The following SMARCA2 variants were observed in gnomAD, a reference collection of about 807,000 sequenced individuals.
SMARCA2 encodes the protein SWI/SNF related BAF chromatin remodeling complex subunit ATPase 2.
A neutral mutation model predicts 199.8 loss-of-function variants in SMARCA2; 61 were observed. The ratio of observed to expected loss-of-function variants is 0.31; its 90% CI spans 0.25 to 0.38. The LOEUF is 0.38. Ranked by LOEUF, SMARCA2 falls within the 10% of genes least tolerant of loss-of-function variation. The probability of loss-of-function intolerance (pLI) is 1.00; values close to 1 mark genes in which losing one functional copy is unlikely to be tolerated. For missense variants in SMARCA2, 1,344 were observed against 2,012.2 expected (o/e 0.67, Z 6.35); for synonymous variants, 935 against 732.0 (o/e 1.28, Z -4.48).
At chr9:2,148,787 G>C (rs995814317) in intron 27 of SMARCA2, among the ~76,000 whole-genome samples, 4 of 151,494 alleles carry the variant, frequency 2.6e-5, no homozygotes, top group African/African-American at 9.7e-5. Flanking sequence ...GAGATTACAA[G>C]TGTGAGCCAC....
At position 2,084,609 on chromosome 9, in the gene SMARCA2, G is replaced by A. The variant is rs1011683648; in HGVS notation, c.2526+413G>A. On this transcript the variant is annotated intron_variant, in intron 17 of 33. Coordinates refer to ENST00000349721, the MANE Select transcript of SMARCA2 (RefSeq NM_003070.5). The stretch of plus-strand genomic sequence containing the variant: ...GTACCTTCATTCTTCTTGTGCCTTT[G>A]TTTCTCCAAAGATGAGCCAGACACC... Among the ~76,000 whole-genome samples, 8 of 152,078 alleles carry A rather than the reference G, an allele frequency of 5.3e-5. No individual in the cohort carries two copies. In the South Asian group the frequency reaches 1.2e-3, roughly 24 times the overall value.
intron 9 of SMARCA2, among the ~76,000 whole-genome samples, chr9:2,061,657 C>A (rs998715051): frequency 1.3e-5 from 2 of 152,154 alleles, no homozygotes; most frequent in Admixed American, 1.3e-4. Flanking sequence ...CTTAAGTCAT[C>A]CAGTCGTCTA....
chr9:2,066,835 T>C (rs1446296974), intron 9 of SMARCA2, among the ~76,000 whole-genome samples: 1 of 152,204 alleles, frequency 6.6e-6, no homozygotes, highest in Non-Finnish European at 1.5e-5. Context: ...CCAGGACATT[T>C]CTTTAGGTGC....
rs749435099 is a variant in SMARCA2 at position 2,032,940 on chromosome 9, T to C, written c.226-12T>C. 3 of 1,612,750 alleles carry C rather than the reference T, an allele frequency of 1.9e-6. No homozygotes were observed. Among genetic ancestry groups the C allele is most frequent in the Non-Finnish European group, 2.5e-6 (3 of 1,179,132 alleles). ...ATAGAGGTGTCTAACTAATGTCCTTTAAATGTTTCAGCCCATCGATGGTAT... is the reference window on the plus strand; with the variant it reads ...ATAGAGGTGTCTAACTAATGTCCTTCAAATGTTTCAGCCCATCGATGGTAT... On this transcript the variant is annotated splice_polypyrimidine_tract_variant and intron_variant, in intron 2 of 33. Coordinates refer to ENST00000349721, the MANE Select transcript of SMARCA2 (RefSeq NM_003070.5).
In SMARCA2 at chr9:2,088,876, TAGA is replaced by T. The variant is rs1211704970; in HGVS notation, c.2883+264_2883+266del. On this transcript the variant is annotated intron_variant, in intron 19 of 33. Coordinates refer to ENST00000349721, the MANE Select transcript of SMARCA2 (RefSeq NM_003070.5). Reference sequence around the variant, plus strand: ...CTGAGTCTCATTTACATTTTAATTTTAGATTTTTTTTTTTTTTTAAATTACGGA... The same window carrying T: ...CTGAGTCTCATTTACATTTTAATTTTTTTTTTTTTTTTTTTAAATTACGGA... Among the ~76,000 whole-genome samples the T allele has an allele frequency of 1.2e-3, 168 of 144,854 alleles. 1 individual carries two copies. The highest frequency in any genetic ancestry group is 0.01 in the Middle Eastern group (3 of 288).
chr9:2,192,374 A>C (rs1265132605), intron 33 of SMARCA2: 7 of 307,436 alleles, frequency 2.3e-5, no homozygotes, highest in Non-Finnish European at 4.2e-5. Flanking sequence ...TGTCAAATGC[A>C]GGGTATTTTT....
chr9:2,129,433 G>A (rs1823842583), intron 27 of SMARCA2, among the ~76,000 whole-genome samples: 3 of 152,032 alleles, frequency 2.0e-5, no homozygotes, highest in African/African-American at 7.2e-5. Flanking sequence ...AAGGGGACTA[G>A]CCAAATGAAT....
At chr9:2,100,242 A>G (rs1822451880) in intron 21 of SMARCA2, among the ~76,000 whole-genome samples, 1 of 152,238 alleles carries the variant, frequency 6.6e-6, no homozygotes, top group African/African-American at 2.4e-5. Context: ...TAAAGTCAGA[A>G]TGGAGAAATG....
intron 27 of SMARCA2, among the ~76,000 whole-genome samples, chr9:2,148,001 G>A (rs1191482036): frequency 6.6e-6 from 1 of 151,564 alleles, no homozygotes; most frequent in Non-Finnish European, 1.5e-5. Context: ...ACCCAGCCAT[G>A]AATGAGAATC....
chr9:2,097,086 C>T (rs1456331256), intron 20 of SMARCA2: 1 of 493,516 alleles, frequency 2.0e-6, no homozygotes. Context: ...GGCATCTGTT[C>T]TGTGCTTCTG....
chr9:2,077,557 T>A, intron 13 of SMARCA2, 72 bp from the exon 14 acceptor site: 1 of 1,489,732 alleles, frequency 6.7e-7, no homozygotes. Context: ...TCTCAAATCA[T>A]TTTTTGAGTG....
intron 26 of SMARCA2, among the ~76,000 whole-genome samples, chr9:2,120,745 C>T (rs1018365297): frequency 6.6e-6 from 1 of 152,132 alleles, no homozygotes; most frequent in African/African-American, 2.4e-5. Flanking sequence ...AACTACTAAA[C>T]TGGAATATGC....
chr9:2,191,532 G>C, intron 33 of SMARCA2, 124 bp downstream of exon 33: 3 of 1,068,322 alleles, frequency 2.8e-6, no homozygotes, highest in Non-Finnish European at 4.1e-6. Flanking sequence ...TCAGGATTTA[G>C]TGAGATTTCA....
chr9:2,172,117 C>G (rs1447684272), intron 29 of SMARCA2, among the ~76,000 whole-genome samples: 1 of 152,146 alleles, frequency 6.6e-6, no homozygotes, highest in African/African-American at 2.4e-5. Flanking sequence ...TCCCATAAGC[C>G]TGAGCTGACA....
chr9:2,038,986 C>A (rs142235535), intron 3 of SMARCA2, among the ~76,000 whole-genome samples: 208 of 152,344 alleles, frequency 1.4e-3, no homozygotes, highest in Non-Finnish European at 2.6e-3. Flanking sequence ...CCATTCAGTA[C>A]TGTCCCTTGG....
chr9:2,089,182 A>T (rs1347707240), intron 19 of SMARCA2, among the ~76,000 whole-genome samples: 5 of 152,202 alleles, frequency 3.3e-5, no homozygotes, highest in African/African-American at 1.2e-4. Context: ...ATTTTAAGCC[A>T]GTATTTTTCG....
At chr9:2,043,705 T>G (rs191633683) in intron 4 of SMARCA2, 7 of 152,336 alleles carry the variant, frequency 4.6e-5, no homozygotes, top group Admixed American at 4.6e-4. Context: ...GAGCACTGAA[T>G]GCTTTGAAGT....
At chr9:2,111,491 C>CAA (rs148112929) in intron 24 of SMARCA2, among the ~76,000 whole-genome samples, 1,372 of 86,676 alleles carry the variant, frequency 0.016, 22 homozygotes, top group Non-Finnish European at 0.027. Context: ...GACCGTGTCT[C>CAA]AAAAAAAAAA....
At chr9:2,126,105 G>GT (rs1823681347) in intron 27 of SMARCA2, among the ~76,000 whole-genome samples, 1 of 152,200 alleles carries the variant, frequency 6.6e-6, no homozygotes, top group Non-Finnish European at 1.5e-5. Flanking sequence ...TATCAGCAGT[G>GT]TTAGGAGAGC....
Sources: allele counts gnomAD v4.1 joint callset (sites outside exome capture counted in the v4.1 genomes callset), GRCh38; gene constraint gnomAD v4.1.1; transcripts MANE v1.5; gene names NCBI Gene and HGNC (gene_info 2026-07-23, HGNC 2026-07-21).